MAEA: variants seen among roughly 807,000 people sequenced by gnomAD.
MAEA encodes macrophage erythroblast attacher, E3 ubiquitin ligase, also known as E3 ubiquitin-protein transferase MAEA.
Under a neutral mutation model 46.2 loss-of-function variants are expected in MAEA, and 22 were observed. That is an observed-to-expected ratio of 0.48 (90% confidence interval 0.34 to 0.68). The LOEUF is 0.68. Ranked by LOEUF, MAEA falls within the 30% of genes least tolerant of loss-of-function variation. The pLI is 0.01. For synonymous variants in MAEA, 246 were observed against 222.6 expected, an observed-to-expected ratio of 1.11 and a Z score of -0.94; for missense variants, 393 against 558.1, an observed-to-expected ratio of 0.70 and a Z score of 2.98.
rs1736545143 is a variant in MAEA at position 1,311,870 on chromosome 4, G to C, written c.70-109G>C. ...ACTTTTGAGACCATGAACCTTCTGA[G>C]ACTTCTGCCTCTACAAGTGCCATGA... On this transcript the variant is annotated intron_variant, in intron 1 of 8. Coordinates refer to ENST00000303400, the MANE Select transcript of MAEA (RefSeq NM_001017405.3). This position sits in a 1 kb window ranked among gnomAD's most constrained non-coding sequence, Gnocchi z 4.4. 1.1e-6 allele frequency: 1 copy of C among 946,202 alleles called. No homozygotes were observed. The highest frequency in any genetic ancestry group is 1.6e-6 in the Non-Finnish European group (1 of 623,412). 58.6% of individuals were successfully genotyped at this position (946,202 alleles called of 1,614,324 possible). A position where few individuals can be genotyped will look rare whatever the true frequency, so the allele number is the denominator to read the frequency against.
chr4:1,314,135 C>G (rs1383606597), intron 2 of MAEA, among the ~76,000 whole-genome samples: 1 of 152,108 alleles, frequency 6.6e-6, no homozygotes, highest in African/African-American at 2.4e-5. Flanking sequence ...CAAGACCAGC[C>G]TGGCCAACAT....
intron 3 of MAEA, among the ~76,000 whole-genome samples, chr4:1,320,188 AATC>A (rs1472970638): frequency 1.0e-5 from 1 of 95,546 alleles, no homozygotes; most frequent in Non-Finnish European, 2.0e-5. Context: ...GGGCTTCAGA[AATC>A]ATCAGAACAA....
At chr4:1,328,576 G>GA in intron 5 of MAEA, 3 of 1,168,770 alleles carry the variant, frequency 2.6e-6, no homozygotes, top group Non-Finnish European at 3.3e-6. Context: ...TGTTTGCCAG[G>GA]AGGGGGCACC....
intron 5 of MAEA, chr4:1,329,843 G>A (rs1739314219): frequency 2.0e-6 from 2 of 985,538 alleles, no homozygotes; most frequent in African/African-American, 3.5e-5. Context: ...TGTCTCCTGA[G>A]GGCTCCAGGC....
intron 1 of MAEA, among the ~76,000 whole-genome samples, chr4:1,301,690 C>G (rs6599296): frequency 0.15 from 23,417 of 151,998 alleles, 3,472 homozygotes; most frequent in East Asian, 0.42. Context: ...AGCAGAGTGA[C>G]GCCCTATATG....
intron 5 of MAEA, chr4:1,331,084 TGTGACGAAGG>T (rs1005801085): frequency 3.9e-5 from 6 of 151,906 alleles, no homozygotes; most frequent in Non-Finnish European, 8.8e-5. Flanking sequence ...CGTCTTGGCG[TGTGACGAAGG>T]GTGACTTGTC....
chr4:1,329,013 G>C (rs1739199276), intron 5 of MAEA: 4 of 986,360 alleles, frequency 4.1e-6, no homozygotes, highest in Non-Finnish European at 3.6e-6. Context: ...TGGCCTCGGT[G>C]CCTGTGTCGC....
chr4:1,338,883 C>T (rs1713166725), intron 8 of MAEA, 191 bp from the exon 9 acceptor site: 3 of 660,074 alleles, frequency 4.5e-6, no homozygotes, highest in Non-Finnish European at 7.9e-6. Flanking sequence ...TAGCTTCGTT[C>T]GAAATGGATG....
intron 1 of MAEA, among the ~76,000 whole-genome samples, chr4:1,302,088 C>T (rs529365239): frequency 6.6e-6 from 1 of 152,064 alleles, no homozygotes; most frequent in Non-Finnish European, 1.5e-5. Context: ...AAAATAGATG[C>T]CAAAATATTC....
chr4:1,331,693 G>C (rs73075535), intron 5 of MAEA: 1,740 of 152,356 alleles, frequency 0.011, 43 homozygotes, highest in African/African-American at 0.039. Context: ...GGGTGCACAG[G>C]GGCCCGTGTG....
At chr4:1,326,118 C>T (rs1329331026) in intron 4 of MAEA, among the ~76,000 whole-genome samples, 6 of 152,184 alleles carry the variant, frequency 3.9e-5, no homozygotes, top group Non-Finnish European at 4.4e-5. Context: ...CTATGCGTGT[C>T]GGGGCAGCAA....
Position 1,339,359 on chromosome 4 carries a change from G to T in MAEA, c.*190G>T. 1 of 579,976 alleles carries T rather than the reference G, an allele frequency of 1.7e-6. No individual in the cohort carries two copies. The highest frequency in any genetic ancestry group is 3.1e-6 in the Non-Finnish European group (1 of 326,886). 35.9% of individuals were successfully genotyped at this position (579,976 alleles called of 1,614,324 possible). A position where few individuals can be genotyped will look rare whatever the true frequency, so the allele number is the denominator to read the frequency against. The stretch of plus-strand genomic sequence containing the variant: ...CATAAGTTTGTACTTGAAAACATTT[G>T]GATTGGTAGGATTTTGTAACACGTC... On this transcript the variant is annotated 3_prime_UTR_variant, in exon 9 of 9. Transcript: ENST00000303400.
At chr4:1,335,454 GA>G in intron 6 of MAEA, 2 of 982,632 alleles carry the variant, frequency 2.0e-6, no homozygotes, top group Non-Finnish European at 2.4e-6. Flanking sequence ...GTTGAAATCA[GA>G]GTTAAGTCAG....
chr4:1,303,878 C>G (rs1735569410), intron 1 of MAEA, among the ~76,000 whole-genome samples: 1 of 129,722 alleles, frequency 7.7e-6, no homozygotes, highest in Non-Finnish European at 1.6e-5. Context: ...ACAGTGCCGG[C>G]AGGGCAGGGG....
intron 3 of MAEA, among the ~76,000 whole-genome samples, chr4:1,319,456 C>G (rs1327286991): frequency 6.6e-6 from 1 of 152,190 alleles, no homozygotes; most frequent in Non-Finnish European, 1.5e-5. Flanking sequence ...GCCAGCTGGC[C>G]TCACATCTTT....
At chr4:1,309,562 G>C in intron 1 of MAEA, 1 of 1,469,954 alleles carries the variant, frequency 6.8e-7, no homozygotes, top group Non-Finnish European at 9.0e-7. Flanking sequence ...GGATAGCCCC[G>C]GGCCAGCGCT....
At chr4:1,323,370 A>G in intron 4 of MAEA, 1 of 641,434 alleles carries the variant, frequency 1.6e-6, no homozygotes, top group Non-Finnish European at 2.8e-6. Context: ...AACTTATGTT[A>G]ACACTTCTGC....
intron 1 of MAEA, among the ~76,000 whole-genome samples, chr4:1,306,268 C>T (rs1735820941): frequency 1.3e-5 from 2 of 152,220 alleles, no homozygotes; most frequent in African/African-American, 4.8e-5. Context: ...CCTGATGACT[C>T]ATGATGTTGC....
intron 1 of MAEA, among the ~76,000 whole-genome samples, chr4:1,310,714 G>A (rs576090101): frequency 9.8e-5 from 15 of 152,320 alleles, no homozygotes; most frequent in East Asian, 1.9e-4. Flanking sequence ...GGTCCACGTC[G>A]GCGCTGGGGG....
Sources: gnomAD v4.1 joint callset for allele counts (sites outside exome capture counted in the v4.1 genomes callset) on GRCh38, gnomAD v4.1.1 for gene constraint, Gnocchi (gnomAD v3.1) non-coding constraint, MANE v1.5 for transcripts, NCBI Gene and HGNC (gene_info 2026-07-23, HGNC 2026-07-21) for gene names.